The following HIBADH variants were observed in gnomAD, a reference collection of about 807,000 sequenced individuals.
The protein encoded by HIBADH is 3-hydroxyisobutyrate dehydrogenase, mitochondrial.
In HIBADH, 25 loss-of-function variants were observed where a neutral mutation model predicts 36.1. That is an observed-to-expected ratio of 0.69 (90% confidence interval 0.50 to 0.97). The LOEUF (loss-of-function observed/expected upper bound fraction) is 0.97, where lower values mean the gene tolerates loss of function less well. Ranked by LOEUF, HIBADH falls within the 50% of genes least tolerant of loss-of-function variation. The pLI is 0.00. For missense variants in HIBADH, 421 were observed against 418.0 expected, an observed-to-expected ratio of 1.01 and a Z score of -0.06; for synonymous variants, 160 against 149.5, an observed-to-expected ratio of 1.07 and a Z score of -0.51.
chr7:27,596,848 CA>C (rs1392783940), intron 4 of HIBADH, among the ~76,000 whole-genome samples: 12 of 152,008 alleles, frequency 7.9e-5, no homozygotes, highest in Admixed American at 1.3e-4. Flanking sequence ...TGTCAGTACT[CA>C]AAAAGTTTCA....
At chr7:27,611,505 C>T (rs1785321473) in intron 4 of HIBADH, among the ~76,000 whole-genome samples, 2 of 121,424 alleles carry the variant, frequency 1.6e-5, no homozygotes, top group African/African-American at 3.0e-5. Flanking sequence ...CGCGCACACA[C>T]ACACACCCAC....
chr7:27,555,664 C>T (rs1266906602), intron 4 of HIBADH, among the ~76,000 whole-genome samples: 1 of 152,016 alleles, frequency 6.6e-6, no homozygotes, highest in East Asian at 1.9e-4. Context: ...TCCAAATTTA[C>T]AGTGATATAA....
chr7:27,537,539 G>A (rs907431076), intron 6 of HIBADH, among the ~76,000 whole-genome samples: 11 of 152,048 alleles, frequency 7.2e-5, no homozygotes, highest in Admixed American at 2.6e-4. Flanking sequence ...AAAGCATCCT[G>A]CTCATTAAGC....
intron 4 of HIBADH, among the ~76,000 whole-genome samples, chr7:27,567,401 C>A (rs1784561528): frequency 6.6e-6 from 1 of 152,062 alleles, no homozygotes. Flanking sequence ...TGCTTGTAAA[C>A]ACATTTTGGT....
chr7:27,647,242 G>A (rs934739483), intron 2 of HIBADH, among the ~76,000 whole-genome samples: 12 of 152,282 alleles, frequency 7.9e-5, no homozygotes, highest in East Asian at 1.9e-4. Flanking sequence ...GCATGGAGAC[G>A]CTGGACAAAG....
In HIBADH at chr7:27,560,744, G is replaced by GTTGT. The variant is rs375526631; in HGVS notation, c.485-17648_485-17645dup. Among the ~76,000 whole-genome samples, 1,224 of 152,268 alleles carry GTTGT rather than the reference G, an allele frequency of 8.0e-3. 21 individuals carry two copies. The highest frequency in any genetic ancestry group is 0.028 in the African/African-American group (1,159 of 41,552). ...CATTTATCCACTGATGGACATTTGGGTTGTTTCCACCTTTTGGTTACTATG... is the reference window on the plus strand; with the variant it reads ...CATTTATCCACTGATGGACATTTGGGTTGTTTGTTTCCACCTTTTGGTTACTATG... On this transcript the variant is annotated intron_variant, in intron 4 of 7. Transcript: ENST00000265395.
Position 27,629,530 on chromosome 7 carries a change from C to CT in HIBADH, c.363-39dup, listed in dbSNP as rs774350427. The CT allele has an allele frequency of 3.0e-5, 43 of 1,436,356 alleles. No homozygotes were observed. The African/African-American group carries it at 5.3e-4, about 18-fold the overall frequency. 89.0% of individuals were successfully genotyped at this position (1,436,356 alleles called of 1,614,324 possible). ...ATAAAAATATTTGTAGTTTACAACT[C>CT]TGAGTAAAAATTTCATGCAACTACC... On this transcript the variant is annotated intron_variant, in intron 3 of 7. Coordinates refer to ENST00000265395, the MANE Select transcript of HIBADH (RefSeq NM_152740.4).
At chr7:27,591,354 A>ATCC (rs2128289004) in intron 4 of HIBADH, among the ~76,000 whole-genome samples, 1 of 152,256 alleles carries the variant, frequency 6.6e-6, no homozygotes, top group Non-Finnish European at 1.5e-5. Context: ...GATCGAGACC[A>ATCC]TCCTGGCTAA....
intron 4 of HIBADH, among the ~76,000 whole-genome samples, chr7:27,549,036 G>C (rs149724627): frequency 2.0e-4 from 31 of 152,262 alleles, no homozygotes; most frequent in African/African-American, 6.7e-4. Context: ...AACTGAGCAA[G>C]TAATCTGGTA....
At chr7:27,556,736 A>T (rs1784393452) in intron 4 of HIBADH, among the ~76,000 whole-genome samples, 1 of 152,222 alleles carries the variant, frequency 6.6e-6, no homozygotes, top group Admixed American at 6.5e-5. Context: ...TTGGGGACTT[A>T]ACTCTGTCTC....
intron 4 of HIBADH, among the ~76,000 whole-genome samples, chr7:27,624,373 C>T (rs1785602222): frequency 6.6e-6 from 1 of 152,192 alleles, no homozygotes; most frequent in Non-Finnish European, 1.5e-5. Context: ...AATTCTCCTT[C>T]AGAAAGAGTT....
At position 27,628,229 on chromosome 7, in the gene HIBADH, A is replaced by T. The variant is rs188634244; in HGVS notation, c.484+1142T>A. 2.0e-3 allele frequency among the ~76,000 whole-genome samples: 311 copies of T among 152,234 alleles called. 2 individuals carry two copies. Among genetic ancestry groups the T allele is most frequent in the African/African-American group, 7.3e-3 (305 of 41,570 alleles). On this transcript the variant is annotated intron_variant, in intron 4 of 7. Coordinates refer to ENST00000265395, the MANE Select transcript of HIBADH (RefSeq NM_152740.4). ...TTAAGTAATTCAATATAACAATCAG[A>T]AGAGCCAGCAATTATTTATTCCTCC... is the stretch of plus-strand genomic sequence containing the variant.
At chr7:27,536,693 C>T (rs1784076384) in intron 6 of HIBADH, among the ~76,000 whole-genome samples, 1 of 152,078 alleles carries the variant, frequency 6.6e-6, no homozygotes, top group African/African-American at 2.4e-5. Flanking sequence ...TTAGCCTATA[C>T]AAAACTTCAT....
At chr7:27,613,665 G>GCTT (rs779303392) in intron 4 of HIBADH, among the ~76,000 whole-genome samples, 1 of 107,074 alleles carries the variant, frequency 9.3e-6, no homozygotes, top group African/African-American at 3.4e-5. Context: ...GGTTTTTTTT[G>GCTT]TTTTTTTTTT....
intron 4 of HIBADH, among the ~76,000 whole-genome samples, chr7:27,566,798 G>A (rs1784554357): frequency 6.6e-6 from 1 of 152,046 alleles, no homozygotes; most frequent in Non-Finnish European, 1.5e-5. Context: ...TTGACCCATA[G>A]ATTACTTAGG....
intron 4 of HIBADH, among the ~76,000 whole-genome samples, chr7:27,547,124 T>C (rs539997406): frequency 6.6e-6 from 1 of 152,312 alleles, no homozygotes; most frequent in Admixed American, 6.5e-5. Context: ...TTTCATTTCA[T>C]ATCATTCTTC....
rs142705490 is a variant in HIBADH, at chr7:27,649,505, C to T, written c.220G>A (p.Ala74Thr). Residue 74 changes from alanine (A) to threonine (T), a missense_variant, in exon 2 of 8, where the codon GCC becomes ACC. Transcript: ENST00000265395. ...CCTGCATCTTGAAACTCTTTGCAGG[C>T]ATCAGGGAACACATCATAAATAATA... Reference protein sequence around the residue: ...PLIIYDVFPDACKEFQDAGEQ... With the variant: ...PLIIYDVFPDTCKEFQDAGEQ... The T allele has an allele frequency of 1.5e-5, 25 of 1,613,194 alleles. No homozygotes were observed. The highest frequency in any genetic ancestry group is 1.9e-5 in the Non-Finnish European group (23 of 1,179,668).
chr7:27,572,908 A>G (rs1309070543), intron 4 of HIBADH, among the ~76,000 whole-genome samples: 1 of 152,214 alleles, frequency 6.6e-6, no homozygotes, highest in South Asian at 2.1e-4. Flanking sequence ...AAAATGTTCA[A>G]AATTCCAAGA....
At chr7:27,619,012 G>T (rs1341509074) in intron 4 of HIBADH, among the ~76,000 whole-genome samples, 1 of 152,090 alleles carries the variant, frequency 6.6e-6, no homozygotes, top group Non-Finnish European at 1.5e-5. Flanking sequence ...ATCAACATGA[G>T]ACTTGGGGAG....
Sources: allele counts gnomAD v4.1 joint callset (sites outside exome capture counted in the v4.1 genomes callset), GRCh38; gene constraint gnomAD v4.1.1; transcripts MANE v1.5; gene names NCBI Gene and HGNC (gene_info 2026-07-23, HGNC 2026-07-21).